The following MAP2K4 variants were observed in gnomAD, a reference collection of about 807,000 sequenced individuals.
MAP2K4 encodes the protein mitogen-activated protein kinase kinase 4, also known as dual specificity mitogen-activated protein kinase kinase 4.
A neutral mutation model predicts 48.5 loss-of-function variants in MAP2K4; 4 were observed. The observed-to-expected ratio is 0.08, with a 90% confidence interval of 0.04 to 0.19. The LOEUF is 0.19. MAP2K4 is among the 10% of genes least tolerant of loss of function. MAP2K4 has a pLI of 1.00. For missense variants in MAP2K4, 258 were observed against 493.3 expected (o/e 0.52, Z 4.52); for synonymous variants, 166 against 173.1 (o/e 0.96, Z 0.32).
At chr17:12,026,648 A>G (rs1404321943) in intron 1 of MAP2K4, among the ~76,000 whole-genome samples, 2 of 152,124 alleles carry the variant, frequency 1.3e-5, no homozygotes, top group Admixed American at 1.3e-4. Context: ...TTACTACTCT[A>G]CTGCATGGTT....
At chr17:12,071,485 GAAAGAGTACTA>G (rs1390523901) in intron 2 of MAP2K4, among the ~76,000 whole-genome samples, 2 of 152,138 alleles carry the variant, frequency 1.3e-5, no homozygotes, top group African/African-American at 4.8e-5. Context: ...ATTCATAGGA[GAAAGAGTACTA>G]AAATATTCAC....
At position 12,109,967 on chromosome 17, in the gene MAP2K4, A is replaced by C. The variant is rs116118811; in HGVS notation, c.634-408A>C. Among the ~76,000 whole-genome samples, 1,290 of 152,110 alleles carry C rather than the reference A, an allele frequency of 8.5e-3. 15 individuals are homozygous for C. The highest frequency in any genetic ancestry group is 0.028 in the African/African-American group (1,170 of 41,496). The stretch of plus-strand genomic sequence containing the variant: ...ACATAGTGAGAACCCTGTCCATACT[A>C]AAGATGTAAAAAGTTAGCCAGGCAT... On this transcript the variant is annotated intron_variant, in intron 5 of 10. Coordinates refer to ENST00000353533, the MANE Select transcript of MAP2K4 (RefSeq NM_003010.4).
chr17:12,065,898 A>G lies in MAP2K4; in HGVS notation c.218+10907A>G, dbSNP rs116243034. ...TGAATTCAGCTTTTATGCCTGTGGA[A>G]CAATACTGTGATAAATTTTATTTCT... On this transcript the variant is annotated intron_variant, in intron 2 of 10. Coordinates refer to ENST00000353533, the MANE Select transcript of MAP2K4 (RefSeq NM_003010.4). Among the ~76,000 whole-genome samples, 1,154 of 152,298 alleles carry G rather than the reference A, an allele frequency of 7.6e-3. 12 individuals carry two copies. Among genetic ancestry groups the G allele is most frequent in the African/African-American group, 0.025 (1,035 of 41,558 alleles).
rs1773493282 is a variant in MAP2K4 at position 12,108,059 on chromosome 17, G to T, written c.633+150G>T. On this transcript the variant is annotated intron_variant, in intron 5 of 10. Coordinates refer to ENST00000353533, the MANE Select transcript of MAP2K4 (RefSeq NM_003010.4). ...ACCAGAGACAAAGTCACTTCTGTGG[G>T]GTAGTTAACACAATAGGTCATAATG... is the stretch of plus-strand genomic sequence containing the variant. 5 of 654,082 alleles carry T rather than the reference G, an allele frequency of 7.6e-6. 1 individual carries two copies. The South Asian group carries it at 1.1e-4, about 15-fold the overall frequency. The allele number at this position is 654,082 out of a possible 1,614,324, so 40.5% of individuals were successfully genotyped here.
At chr17:12,111,636 A>G (rs1376770239) in intron 6 of MAP2K4, among the ~76,000 whole-genome samples, 1 of 152,138 alleles carries the variant, frequency 6.6e-6, no homozygotes, top group Non-Finnish European at 1.5e-5. Context: ...AAAACTTCAG[A>G]AGTAACTTTT....
At chr17:12,113,822 C>T (rs1322496551) in intron 7 of MAP2K4, among the ~76,000 whole-genome samples, 1 of 152,098 alleles carries the variant, frequency 6.6e-6, no homozygotes, top group Non-Finnish European at 1.5e-5. Context: ...TAGAGGCCTT[C>T]AGTATTTTGC....
intron 6 of MAP2K4, among the ~76,000 whole-genome samples, chr17:12,111,818 G>C (rs1454090342): frequency 1.6e-5 from 1 of 63,896 alleles, no homozygotes; most frequent in African/African-American, 4.8e-5. Context: ...CCAAAGATGG[G>C]GTGGCTCAAA....
rs959569171 is a variant in MAP2K4 at position 12,096,085 on chromosome 17, C to G, written c.513+391C>G. Among the ~76,000 whole-genome samples the G allele has an allele frequency of 1.3e-4, 8 of 59,708 alleles. 2 individuals are homozygous for G. Among genetic ancestry groups the G allele is most frequent in the Admixed American group, 4.9e-4 (4 of 8,168 alleles). 39.2% of individuals were successfully genotyped at this position (59,708 alleles called of 152,430 possible). ...CAACGCCTCCCCCCCCCCCCCCCCC[C>G]CCCGCCGCCAACTTTATATTTTAAC... On this transcript the variant is annotated intron_variant, in intron 4 of 10. Coordinates refer to ENST00000353533, the MANE Select transcript of MAP2K4 (RefSeq NM_003010.4).
chr17:12,136,036 A>G (rs755320607), intron 9 of MAP2K4, among the ~76,000 whole-genome samples: 1 of 152,354 alleles, frequency 6.6e-6, no homozygotes, highest in Non-Finnish European at 1.5e-5. Flanking sequence ...AAATACTTAG[A>G]GAATTTAATT....
intron 3 of MAP2K4, among the ~76,000 whole-genome samples, chr17:12,085,745 A>C (rs1971340734): frequency 6.6e-6 from 1 of 152,062 alleles, no homozygotes; most frequent in Admixed American, 6.5e-5. Context: ...TAAGGACTAG[A>C]GCCCTCTGCT....
At chr17:12,059,356 G>A (rs983599096) in intron 2 of MAP2K4, among the ~76,000 whole-genome samples, 29 of 152,146 alleles carry the variant, frequency 1.9e-4, no homozygotes, top group African/African-American at 6.8e-4. Flanking sequence ...ATCATGTTGT[G>A]TATATGAATT....
rs185329765 is a variant in MAP2K4, at chr17:12,141,363, A to T, written c.*103A>T. 1 of 808,992 alleles carries T rather than the reference A, an allele frequency of 1.2e-6. No individual in the cohort carries two copies. Among genetic ancestry groups the T allele is most frequent in the East Asian group, 2.5e-5 (1 of 40,362 alleles). The allele number at this position is 808,992 out of a possible 1,614,324, so 50.1% of individuals were successfully genotyped here. ...TGTTTTTATTGCTCGCCCAGACACCATGTGCAATAAGATTGGTGTTCGTTT... is the reference window on the plus strand; with the variant it reads ...TGTTTTTATTGCTCGCCCAGACACCTTGTGCAATAAGATTGGTGTTCGTTT... On this transcript the variant is annotated 3_prime_UTR_variant, in exon 11 of 11. Transcript: ENST00000353533.
chr17:12,053,895 A>G (rs1315535065), intron 1 of MAP2K4, among the ~76,000 whole-genome samples: 1 of 152,144 alleles, frequency 6.6e-6, no homozygotes, highest in Non-Finnish European at 1.5e-5. Context: ...TTGCAGAGAT[A>G]TTTTTTGAGT....
intron 8 of MAP2K4, among the ~76,000 whole-genome samples, chr17:12,128,548 T>C (rs1353726454): frequency 2.0e-5 from 3 of 152,284 alleles, no homozygotes; most frequent in Admixed American, 6.5e-5. Context: ...GAGCCCTTTA[T>C]TGGGGCTTCA....
At chr17:12,057,822 A>G (rs564638560) in intron 2 of MAP2K4, among the ~76,000 whole-genome samples, 2 of 152,174 alleles carry the variant, frequency 1.3e-5, no homozygotes, top group African/African-American at 4.8e-5. Context: ...TGATTGTGGC[A>G]TTTTCTTAGG....
rs982794513 is a variant in MAP2K4 at position 12,143,803 on chromosome 17, A to G, written c.*2543A>G. 1 of 225,612 alleles carries G rather than the reference A, an allele frequency of 4.4e-6. No individual in the cohort carries two copies. Among genetic ancestry groups the G allele is most frequent in the African/African-American group, 2.2e-5 (1 of 45,006 alleles). 14.0% of individuals were successfully genotyped at this position (225,612 alleles called of 1,614,324 possible). A position where few individuals can be genotyped will look rare whatever the true frequency, so the allele number is the denominator to read the frequency against. On this transcript the variant is annotated 3_prime_UTR_variant, in exon 11 of 11. Coordinates refer to ENST00000353533, the MANE Select transcript of MAP2K4 (RefSeq NM_003010.4). ...ATCTTAAAGTAAATTACATTAAATT[A>G]TCTGTGCATTTCACACCAGGGAAAA... is the stretch of plus-strand genomic sequence containing the variant.
chr17:12,056,258 G>T (rs982145826), intron 2 of MAP2K4, among the ~76,000 whole-genome samples: 10 of 151,978 alleles, frequency 6.6e-5, no homozygotes, highest in Non-Finnish European at 1.2e-4. Flanking sequence ...TTTTTTAAAA[G>T]CCTTTTTGGA....
intron 9 of MAP2K4, among the ~76,000 whole-genome samples, chr17:12,133,027 A>G (rs28922569): frequency 9.7e-4 from 148 of 152,260 alleles, no homozygotes; most frequent in African/African-American, 3.2e-3. Context: ...TCTGGAACCA[A>G]TGCCTGCTTT....
At position 12,142,446 on chromosome 17, in the gene MAP2K4, C is replaced by G. The variant is rs373075028; in HGVS notation, c.*1186C>G. ...TTGCCTTTTTTCTATATCAAAAAAC[C>G]TTTACAGTTAGCAGGGATGTTCCTT... On this transcript the variant is annotated 3_prime_UTR_variant, in exon 11 of 11. Transcript: ENST00000353533. The G allele has an allele frequency of 5.2e-5, 12 of 232,904 alleles. No individual in the cohort carries two copies. The highest frequency in any genetic ancestry group is 8.5e-5 in the Non-Finnish European group (10 of 117,904). The allele number at this position is 232,904 out of a possible 1,614,324, so 14.4% of individuals were successfully genotyped here. A position where few individuals can be genotyped will look rare whatever the true frequency, so the allele number is the denominator to read the frequency against.
Sources: allele counts gnomAD v4.1 joint callset (sites outside exome capture counted in the v4.1 genomes callset), GRCh38; gene constraint gnomAD v4.1.1; transcripts MANE v1.5; gene names NCBI Gene and HGNC (gene_info 2026-07-23, HGNC 2026-07-21).